Variants in PLPPR1 observed in about 807,000 individuals in gnomAD.
PLPPR1 encodes the protein phospholipid phosphatase-related protein type 1.
PLPPR1 carries 10 observed loss-of-function variants against 33.1 expected under a neutral mutation model. That is an observed-to-expected ratio of 0.30 (90% CI 0.19 to 0.51). The LOEUF is 0.51. Ranked by LOEUF, PLPPR1 falls within the 20% of genes least tolerant of loss-of-function variation. The pLI, the probability that PLPPR1 is intolerant of heterozygous loss-of-function variation, is 0.97. For synonymous variants in PLPPR1, 151 were observed against 151.0 expected, an observed-to-expected ratio of 1.00 and a Z score of 0.00; for missense variants, 304 against 408.1, an observed-to-expected ratio of 0.74 and a Z score of 2.20.
At chr9:101,145,288 G>A (rs1402500077) in intron 1 of PLPPR1, among the ~76,000 whole-genome samples, 1 of 152,162 alleles carries the variant, frequency 6.6e-6, no homozygotes, top group African/African-American at 2.4e-5. Context: ...ACAAACAAAT[G>A]ATAAGTATTT....
chr9:101,236,957 C>A (rs1193950463), intron 2 of PLPPR1, among the ~76,000 whole-genome samples: 1 of 151,520 alleles, frequency 6.6e-6, no homozygotes, highest in East Asian at 1.9e-4. Flanking sequence ...TGTTAATATC[C>A]AGAATCTACA....
At chr9:101,134,385 A>AT (rs34613253) in intron 1 of PLPPR1, among the ~76,000 whole-genome samples, 22,572 of 145,772 alleles carry the variant, frequency 0.15, 1,954 homozygotes, top group Non-Finnish European at 0.2. Flanking sequence ...TAAGAACAGG[A>AT]TTTTTTTTTT....
intron 2 of PLPPR1, among the ~76,000 whole-genome samples, chr9:101,211,699 A>T (rs999757425): frequency 1.4e-4 from 22 of 152,234 alleles, no homozygotes; most frequent in Middle Eastern, 3.2e-3. Flanking sequence ...GAGATTTATT[A>T]TTAATGGGCT....
chr9:101,113,024 C>T (rs891464524), intron 1 of PLPPR1, among the ~76,000 whole-genome samples: 8 of 152,120 alleles, frequency 5.3e-5, no homozygotes, highest in Non-Finnish European at 1.0e-4. Context: ...ACTGAAAAAT[C>T]GTGAAAGATG....
chr9:101,039,539 T>G (rs1177546364), intron 1 of PLPPR1, among the ~76,000 whole-genome samples: 1 of 152,164 alleles, frequency 6.6e-6, no homozygotes, highest in Non-Finnish European at 1.5e-5. Flanking sequence ...ACACTCTTCT[T>G]ACCTTCTGTA....
chr9:101,133,321 A>C (rs1465266138), intron 1 of PLPPR1, among the ~76,000 whole-genome samples: 1 of 152,156 alleles, frequency 6.6e-6, no homozygotes, highest in Non-Finnish European at 1.5e-5. Flanking sequence ...GTTTATGTAC[A>C]TTATGAAAGA....
intron 2 of PLPPR1, among the ~76,000 whole-genome samples, chr9:101,189,789 T>C (rs1224688568): frequency 1.3e-5 from 2 of 152,124 alleles, no homozygotes; most frequent in African/African-American, 2.4e-5. Context: ...GTTTTTAAAA[T>C]TATTTTTATA....
At chr9:101,171,698 G>A (rs1825944445) in intron 1 of PLPPR1, among the ~76,000 whole-genome samples, 1 of 152,140 alleles carries the variant, frequency 6.6e-6, no homozygotes, top group South Asian at 2.1e-4. Context: ...GCACTCACCT[G>A]CAATCTCACT....
chr9:101,081,523 C>A (rs1467488629), intron 1 of PLPPR1, among the ~76,000 whole-genome samples: 7 of 152,132 alleles, frequency 4.6e-5, no homozygotes, highest in African/African-American at 1.7e-4. Context: ...CACTTTAAAT[C>A]AGAAATGCCT....
At chr9:101,157,724 G>A (rs969848453) in intron 1 of PLPPR1, among the ~76,000 whole-genome samples, 7 of 152,042 alleles carry the variant, frequency 4.6e-5, no homozygotes, top group Admixed American at 2.0e-4. Flanking sequence ...TATAGGGGCC[G>A]GGCATGGTGA....
At chr9:101,295,833 TA>T (rs1403897903) in intron 4 of PLPPR1, among the ~76,000 whole-genome samples, 1 of 151,028 alleles carries the variant, frequency 6.6e-6, no homozygotes, top group Non-Finnish European at 1.5e-5. Context: ...ACGTTAGACC[TA>T]AAACCATAAA....
intron 2 of PLPPR1, among the ~76,000 whole-genome samples, chr9:101,235,210 T>C (rs970036789): frequency 2.6e-4 from 40 of 152,028 alleles, no homozygotes; most frequent in Middle Eastern, 3.4e-3. Context: ...ATTTTACTTT[T>C]TCCCCCGATT....
intron 4 of PLPPR1, among the ~76,000 whole-genome samples, chr9:101,306,151 A>G (rs530176235): frequency 6.6e-6 from 1 of 152,240 alleles, no homozygotes; most frequent in African/African-American, 2.4e-5. Flanking sequence ...TTCCTTGGCC[A>G]TTGCTAATGC....
At position 101,286,131 on chromosome 9, in the gene PLPPR1, T is replaced by C; in HGVS notation, c.280T>C (p.Phe94Leu). The change falls in exon 4 of 8, where the codon TTC (phenylalanine) becomes CTC (leucine). Residue 94 changes from phenylalanine (F) to leucine (L), a missense_variant. Coordinates refer to ENST00000374874, the MANE Select transcript of PLPPR1 (RefSeq NM_207299.2). The stretch of plus-strand genomic sequence containing the variant: ...TTTTATTGGTGAGATATCCATGTAT[T>C]TCATAAAATCAACAAGAGAATCCCT... ...IIFIGEISMY[F>L]IKSTRESLIA... is the part of the protein sequence containing the mutation. The C allele has an allele frequency of 6.2e-7, 1 of 1,612,788 alleles. No homozygotes were observed. Among genetic ancestry groups the C allele is most frequent in the Non-Finnish European group, 8.5e-7 (1 of 1,178,890 alleles).
At chr9:101,085,441 G>A (rs1387485695) in intron 1 of PLPPR1, among the ~76,000 whole-genome samples, 1 of 152,146 alleles carries the variant, frequency 6.6e-6, no homozygotes, top group Non-Finnish European at 1.5e-5. Context: ...GAAGGAGGTA[G>A]GGGAGAGTCA....
rs142053974 is a variant in PLPPR1 at position 101,068,785 on chromosome 9, C to G, written c.-46+39683C>G. Among the ~76,000 whole-genome samples, 196 of 152,088 alleles carry G rather than the reference C, an allele frequency of 1.3e-3. 1 individual carries two copies. The highest frequency in any genetic ancestry group is 4.5e-3 in the African/African-American group (188 of 41,522). On this transcript the variant is annotated intron_variant, in intron 1 of 7. Transcript: ENST00000374874. ...TTTGATTCATGTAAGGCAATCAAAA[C>G]TATAATCCACTGCTAGCAAATGAAG...
Position 101,312,978 on chromosome 9 carries a change from G to T in PLPPR1, c.813+4G>T. 1 of 1,613,894 alleles carries T rather than the reference G, an allele frequency of 6.2e-7. No individual in the cohort carries two copies. Among genetic ancestry groups the T allele is most frequent in the Non-Finnish European group, 8.5e-7 (1 of 1,179,824 alleles). The stretch of plus-strand genomic sequence containing the variant: ...CACTGCAGTGGCCCTGTTTCTGGTA[G>T]GTTGACTTCCCTCTTTTTACCTTTT... On this transcript the variant is annotated splice_donor_region_variant and intron_variant, in intron 6 of 7. Coordinates refer to ENST00000374874, the MANE Select transcript of PLPPR1 (RefSeq NM_207299.2).
chr9:101,050,472 T>C lies in PLPPR1; in HGVS notation c.-46+21370T>C, dbSNP rs78665894. ...AAGGGCTTGGGTCTTATTTTTGATA[T>C]CCAGACATCTGTGAGGAAGATTTCC... On this transcript the variant is annotated intron_variant, in intron 1 of 7. Coordinates refer to ENST00000374874, the MANE Select transcript of PLPPR1 (RefSeq NM_207299.2). 9.2e-3 allele frequency among the ~76,000 whole-genome samples: 1,407 copies of C among 152,284 alleles called. 25 individuals carry two copies. Among genetic ancestry groups the C allele is most frequent in the African/African-American group, 0.032 (1,338 of 41,540 alleles).
At chr9:101,207,551 A>G (rs1826613644) in intron 2 of PLPPR1, among the ~76,000 whole-genome samples, 1 of 152,094 alleles carries the variant, frequency 6.6e-6, no homozygotes, top group African/African-American at 2.4e-5. Flanking sequence ...GTGAGAAGTA[A>G]GTTGGCTAGG....
Sources: allele counts gnomAD v4.1 joint callset (sites outside exome capture counted in the v4.1 genomes callset), GRCh38; gene constraint gnomAD v4.1.1; transcripts MANE v1.5; gene names NCBI Gene and HGNC (gene_info 2026-07-23, HGNC 2026-07-21).